JCAD: variants seen among roughly 807,000 people sequenced by gnomAD.
JCAD encodes junctional cadherin 5 associated, also known as junctional cadherin 5-associated protein.
Under a neutral mutation model 98.0 loss-of-function variants are expected in JCAD, and 40 were observed. The observed-to-expected ratio is 0.41, with a 90% CI of 0.32 to 0.53. The LOEUF is 0.53. Ranked by LOEUF, JCAD falls within the 20% of genes least tolerant of loss-of-function variation. The pLI, the probability that JCAD is intolerant of heterozygous loss-of-function variation, is 0.31. For missense variants in JCAD, 1,705 were observed against 1,738.1 expected, an observed-to-expected ratio of 0.98 and a Z score of 0.34; for synonymous variants, 691 against 682.3, an observed-to-expected ratio of 1.01 and a Z score of -0.20.
At chr10:30,095,401 A>G (rs969447446) in intron 1 of JCAD, among the ~76,000 whole-genome samples, 13 of 152,176 alleles carry the variant, frequency 8.5e-5, no homozygotes, top group Non-Finnish European at 1.8e-4. Context: ...CAGCCTTGCA[A>G]TGGCCCTGTG....
In JCAD at chr10:30,026,766, A is replaced by C. The variant is rs888470708; in HGVS notation, c.3382T>G (p.Leu1128Val). The change falls in exon 3 of 4, where the codon TTG becomes GTG. Residue 1128 changes from leucine (L) to valine (V), a missense_variant. Coordinates refer to ENST00000375377, the MANE Select transcript of JCAD (RefSeq NM_020848.4). ...ACTPESPQEE[L>V]LSRPAPADVP... Reference sequence around the variant, plus strand: ...TCTGCCGGTGCTGGGCGAGATAGCAACTCTTCCTGGGGGGACTCTGGGGTG... The same window carrying C: ...TCTGCCGGTGCTGGGCGAGATAGCACCTCTTCCTGGGGGGACTCTGGGGTG... 3 of 1,613,822 alleles carry C rather than the reference A, an allele frequency of 1.9e-6. No individual in the cohort carries two copies. The highest frequency in any genetic ancestry group is 1.7e-6 in the Non-Finnish European group (2 of 1,179,976).
At chr10:30,051,757 T>A (rs1392523104) in intron 1 of JCAD, among the ~76,000 whole-genome samples, 1 of 152,032 alleles carries the variant, frequency 6.6e-6, no homozygotes, top group African/African-American at 2.4e-5. Flanking sequence ...TCCTTTCTAT[T>A]GTAACATGCA....
chr10:30,071,268 C>T (rs1322074793), intron 1 of JCAD, among the ~76,000 whole-genome samples: 4 of 152,184 alleles, frequency 2.6e-5, no homozygotes, highest in African/African-American at 9.7e-5. Context: ...GCTGTGACCT[C>T]ACATGACAAA....
intron 2 of JCAD, among the ~76,000 whole-genome samples, chr10:30,031,745 T>G (rs1182014843): frequency 7.5e-6 from 1 of 132,674 alleles, no homozygotes; most frequent in Non-Finnish European, 1.6e-5. Context: ...CCCAGCCCCA[T>G]CTGTATTTTT....
chr10:30,043,970 G>T (rs991549985), intron 2 of JCAD, among the ~76,000 whole-genome samples: 1 of 152,206 alleles, frequency 6.6e-6, no homozygotes, highest in Non-Finnish European at 1.5e-5. Flanking sequence ...CATTGTAACA[G>T]TATTAAGAGG....
In JCAD at chr10:30,026,728, C is replaced by T. The variant is rs1836814883; in HGVS notation, c.3420G>A (p.Val1140=). ...SRPAPADVPR[V]STDAFYGRRK... is the part of the protein sequence containing the mutation. ...TCCTGCCATAAAAGGCATCAGTGGA[C>T]ACCCTGGGGACATCTGCCGGTGCTG... The change falls in exon 3 of 4, where the codon GTG becomes GTA. Residue 1140 remains valine (V), a synonymous_variant. Transcript: ENST00000375377. 2 of 1,614,132 alleles carry T rather than the reference C, an allele frequency of 1.2e-6. No individual in the cohort carries two copies. Among genetic ancestry groups the T allele is most frequent in the Non-Finnish European group, 1.7e-6 (2 of 1,180,008 alleles).
At chr10:30,021,013 C>T (rs1254263593) in intron 3 of JCAD, among the ~76,000 whole-genome samples, 2 of 152,208 alleles carry the variant, frequency 1.3e-5, no homozygotes, top group Non-Finnish European at 2.9e-5. Flanking sequence ...ACTATCTGTG[C>T]TGTGTTGTAC....
At chr10:30,094,607 G>C (rs1232359832) in intron 1 of JCAD, among the ~76,000 whole-genome samples, 1 of 152,156 alleles carries the variant, frequency 6.6e-6, no homozygotes, top group African/African-American at 2.4e-5. Flanking sequence ...GAAAGCAGAC[G>C]AGTGCTACTT....
chr10:30,033,527 A>T lies in JCAD; in HGVS notation c.282-3661T>A, dbSNP rs150927309. Among the ~76,000 whole-genome samples, 1,321 of 152,268 alleles carry T rather than the reference A, an allele frequency of 8.7e-3. 13 individuals are homozygous for T. The highest frequency in any genetic ancestry group is 0.03 in the African/African-American group (1,245 of 41,534). On this transcript the variant is annotated intron_variant, in intron 2 of 3. Coordinates refer to ENST00000375377, the MANE Select transcript of JCAD (RefSeq NM_020848.4). The stretch of plus-strand genomic sequence containing the variant: ...AGAGCCGGTCTTGCTGAACCTTTTC[A>T]TCCCTAGTTATTACAACTATTTTTC...
At chr10:30,100,939 T>A (rs974820057) in intron 1 of JCAD, among the ~76,000 whole-genome samples, 10 of 152,204 alleles carry the variant, frequency 6.6e-5, no homozygotes, top group Non-Finnish European at 1.0e-4. Context: ...GACTTCCAAG[T>A]CAGGCAGATT....
intron 1 of JCAD, among the ~76,000 whole-genome samples, chr10:30,049,139 A>G (rs775040401): frequency 8.5e-5 from 13 of 152,210 alleles, no homozygotes; most frequent in Non-Finnish European, 1.8e-4. Flanking sequence ...CTTTGATGAT[A>G]AGGCGTAAGA....
chr10:30,068,157 G>A (rs1489907694), intron 2 of JCAD, among the ~76,000 whole-genome samples: 1 of 152,088 alleles, frequency 6.6e-6, no homozygotes, highest in African/African-American at 2.4e-5. Flanking sequence ...GGGGGGCCGA[G>A]GCAGGTGGAT....
At chr10:30,080,006 G>GA (rs1225775553) in intron 1 of JCAD, among the ~76,000 whole-genome samples, 5 of 151,716 alleles carry the variant, frequency 3.3e-5, no homozygotes, top group South Asian at 2.1e-4. Context: ...TCTCTTGGCA[G>GA]AAAAAAAACT....
chr10:30,027,694 C>T lies in JCAD; in HGVS notation c.2454G>A (p.Gln818=), dbSNP rs781285424. The change falls in exon 3 of 4, where the codon CAG becomes CAA. Residue 818 remains glutamine (Q), a synonymous_variant. Transcript: ENST00000375377. ...GPCNSKQLFG[Q]FLLKPVSRRP... is the part of the protein sequence containing the mutation. Reference sequence around the variant, plus strand: ...GACGGCTGACCGGTTTCAGGAGAAACTGCCCAAAGAGTTGTTTACTGTTGC... The same window carrying T: ...GACGGCTGACCGGTTTCAGGAGAAATTGCCCAAAGAGTTGTTTACTGTTGC... 3.1e-6 allele frequency: 5 copies of T among 1,614,150 alleles called. No homozygotes were observed. Among genetic ancestry groups the T allele is most frequent in the Non-Finnish European group, 4.2e-6 (5 of 1,180,064 alleles).
At chr10:30,035,863 G>T (rs1439852674) in intron 2 of JCAD, among the ~76,000 whole-genome samples, 1 of 152,140 alleles carries the variant, frequency 6.6e-6, no homozygotes, top group African/African-American at 2.4e-5. Flanking sequence ...GAATTCCCGG[G>T]TGAACGGGAC....
chr10:30,057,673 A>G (rs1188708432), intron 1 of JCAD, among the ~76,000 whole-genome samples: 2 of 152,202 alleles, frequency 1.3e-5, no homozygotes, highest in Non-Finnish European at 2.9e-5. Context: ...GTTTTACAGG[A>G]GGAAGGCCCA....
At position 30,047,709 on chromosome 10, in the gene JCAD, G is replaced by T. The variant is rs576802549; in HGVS notation, c.104C>A (p.Thr35Asn). 1 of 1,614,142 alleles carries T rather than the reference G, an allele frequency of 6.2e-7. No individual in the cohort carries two copies. The highest frequency in any genetic ancestry group is 1.3e-5 in the African/African-American group (1 of 74,956). The stretch of plus-strand genomic sequence containing the variant: ...CAGGCCCTGGCCTGCTCGTGTCCCA[G>T]TCCTCGCTGCCTGGCGCCCCTTGGG... ...DNPKGRQAAR[T>N]GTRAGQGLQN... The change falls in exon 2 of 4, where the codon ACT (threonine) becomes AAT (asparagine). Residue 35 changes from threonine (T) to asparagine (N), a missense_variant. Physicochemically the swap from Thr to Asn is moderately conservative, Grantham distance 65. This residue lies in a region of JCAD where 152 missense variants were observed against 148.0 expected (regional missense o/e 1.03). Coordinates refer to ENST00000375377, the MANE Select transcript of JCAD (RefSeq NM_020848.4).
intron 1 of JCAD, among the ~76,000 whole-genome samples, chr10:30,106,489 G>T (rs562931675): frequency 6.6e-6 from 1 of 152,070 alleles, no homozygotes; most frequent in East Asian, 1.9e-4. Flanking sequence ...TCACTGTGAA[G>T]CCTAGAGTAG....
In JCAD at chr10:30,027,545, T is replaced by G. The variant is rs746992034; in HGVS notation, c.2603A>C (p.Gln868Pro). The G allele has an allele frequency of 1.2e-6, 2 of 1,613,588 alleles. No individual in the cohort carries two copies. The highest frequency in any genetic ancestry group is 1.7e-6 in the Non-Finnish European group (2 of 1,180,054). Reference sequence around the variant, plus strand: ...CTGTCTGCAGTGAGCACGGTTCTCCTGCTGCGGCTCCGCCTCACTCTCCTC... The same window carrying G: ...CTGTCTGCAGTGAGCACGGTTCTCCGGCTGCGGCTCCGCCTCACTCTCCTC... ...SSEESEAEPQ[Q>P]ENRAHCRQED... Residue 868 changes from glutamine to proline, a missense_variant, in exon 3 of 4, where the codon CAG becomes CCG. Gln to Pro is a moderately conservative substitution (Grantham distance 76, BLOSUM62 -1). Coordinates refer to ENST00000375377, the MANE Select transcript of JCAD (RefSeq NM_020848.4).
Sources: allele counts gnomAD v4.1 joint callset (sites outside exome capture counted in the v4.1 genomes callset), GRCh38; gene constraint gnomAD v4.1.1; regional missense constraint gnomAD v4.1.1; transcripts MANE v1.5; gene names NCBI Gene and HGNC (gene_info 2026-07-23, HGNC 2026-07-21).